ENTREP1: variants seen among roughly 807,000 people sequenced by gnomAD.
The protein encoded by ENTREP1 is Friedreich ataxia region gene X123.
At chr9:69,336,208 T>C in the ENTREP1 span, 3 of 1,518,114 alleles carry the variant, frequency 2.0e-6, no homozygotes, top group African/African-American at 2.8e-5. Context: ...AGTTTATCCT[T>C]ACAGGTGATA....
At chr9:69,336,142 A>G in the ENTREP1 span, 2 of 763,556 alleles carry the variant, frequency 2.6e-6, no homozygotes, top group South Asian at 2.0e-5. Flanking sequence ...AAAAATATGT[A>G]CTTTTGTGAC....
chr9:69,390,995 G>A, the ENTREP1 span, among the ~76,000 whole-genome samples: 1 of 150,384 alleles, frequency 6.6e-6, no homozygotes, highest in Non-Finnish European at 1.5e-5. Context: ...TGTTACTCAG[G>A]CTGGTCTCAA....
At chr9:69,334,149 C>A in the ENTREP1 span, among the ~76,000 whole-genome samples, 1 of 152,192 alleles carries the variant, frequency 6.6e-6, no homozygotes, top group South Asian at 2.1e-4. Context: ...GGATTGCAGT[C>A]CCAATTTGTA....
At chr9:69,325,191 C>T in the ENTREP1 span, 2 of 1,029,992 alleles carry the variant, frequency 1.9e-6, no homozygotes, top group Non-Finnish European at 2.3e-6. Context: ...CCTTCCCTCC[C>T]CCTCGGCCTC....
At chr9:69,367,752 AAT>A in the ENTREP1 span, among the ~76,000 whole-genome samples, 113 of 121,842 alleles carry the variant, frequency 9.3e-4, 3 homozygotes, top group Admixed American at 3.0e-3. Context: ...CACATATATA[AAT>A]ATATATATAC....
At chr9:69,392,046 C>A in the ENTREP1 span, 1 of 557,094 alleles carries the variant, frequency 1.8e-6, no homozygotes, top group Admixed American at 3.1e-5. Flanking sequence ...CCTCTTCTTC[C>A]TCTGCTGGGC....
chr9:69,332,328 A>G, the ENTREP1 span, among the ~76,000 whole-genome samples: 1 of 152,244 alleles, frequency 6.6e-6, no homozygotes, highest in Admixed American at 6.5e-5. Context: ...ATAGTTTCTT[A>G]AAACATTGTA....
chr9:69,390,149 T>C, the ENTREP1 span, among the ~76,000 whole-genome samples: 11 of 152,266 alleles, frequency 7.2e-5, no homozygotes, highest in Non-Finnish European at 1.0e-4. Flanking sequence ...TGTTGAACTT[T>C]TATTCTTAAT....
the ENTREP1 span, among the ~76,000 whole-genome samples, chr9:69,355,526 G>A: frequency 0.01 from 1,545 of 152,290 alleles, 24 homozygotes; most frequent in African/African-American, 0.035. Context: ...TCATTCCACT[G>A]CTCAGTCAGG....
the ENTREP1 span, among the ~76,000 whole-genome samples, chr9:69,350,876 G>A: frequency 6.6e-6 from 1 of 151,976 alleles, no homozygotes; most frequent in East Asian, 1.9e-4. Context: ...TTTCTATTTG[G>A]AAGCTTTTAA....
the ENTREP1 span, among the ~76,000 whole-genome samples, chr9:69,327,072 A>G: frequency 1.3e-5 from 2 of 152,020 alleles, no homozygotes. Flanking sequence ...GAATAAGAAC[A>G]TTAAGAACGT....
the ENTREP1 span, among the ~76,000 whole-genome samples, chr9:69,355,781 G>C: frequency 6.6e-6 from 1 of 152,212 alleles, no homozygotes; most frequent in Non-Finnish European, 1.5e-5. Context: ...TGACTGGCAA[G>C]TGATACTGGC....
the ENTREP1 span, chr9:69,388,184 G>T: frequency 6.1e-5 from 98 of 1,614,164 alleles, no homozygotes; most frequent in Middle Eastern, 1.6e-4. Context: ...CTGTGAAGCT[G>T]CAACACAGAC....
chr9:69,391,670 C>T, the ENTREP1 span: 2 of 1,614,200 alleles, frequency 1.2e-6, no homozygotes, highest in Non-Finnish European at 1.7e-6. Context: ...GCCTGGCCTG[C>T]TGCACCTCCA....
chr9:69,362,328 C>A, the ENTREP1 span, among the ~76,000 whole-genome samples: 1 of 152,114 alleles, frequency 6.6e-6, no homozygotes, highest in Non-Finnish European at 1.5e-5. Context: ...GAGGGATAGG[C>A]AAATTGAAGG....
the ENTREP1 span, among the ~76,000 whole-genome samples, chr9:69,366,385 G>GTTTTTTTT: frequency 7.2e-6 from 1 of 139,568 alleles, no homozygotes; most frequent in Non-Finnish European, 1.5e-5. Context: ...TCCAACTGGG[G>GTTTTTTTT]TTTTTTTTTT....
At chr9:69,341,136 C>G in the ENTREP1 span, among the ~76,000 whole-genome samples, 1 of 152,072 alleles carries the variant, frequency 6.6e-6, no homozygotes, top group South Asian at 2.1e-4. Flanking sequence ...CCAGCTAGCT[C>G]TATGCCTGTA....
At chr9:69,338,239 G>GT in the ENTREP1 span, among the ~76,000 whole-genome samples, 1 of 152,176 alleles carries the variant, frequency 6.6e-6, no homozygotes, top group African/African-American at 2.4e-5. Context: ...GCTGAAACTT[G>GT]TTTCACAATG....
the ENTREP1 span, among the ~76,000 whole-genome samples, chr9:69,373,933 A>ATACTCCAAACAAAATATTGTTTGTTG: frequency 5.9e-5 from 9 of 152,152 alleles, no homozygotes; most frequent in Admixed American, 1.3e-4. Context: ...AACAATTTCT[A>ATACTCCAAACAAAATATTGTTTGTTG]TACTCCAAAC....
Sources: allele counts gnomAD v4.1 joint callset (sites outside exome capture counted in the v4.1 genomes callset), GRCh38; gene constraint gnomAD v4.1.1; transcripts MANE v1.5; gene names NCBI Gene and HGNC (gene_info 2026-07-23, HGNC 2026-07-21).